Variants in TBC1D5 observed in about 807,000 individuals in gnomAD.
TBC1D5 encodes the protein TBC1 domain family member 5.
In TBC1D5, 75 loss-of-function variants were observed where a neutral mutation model predicts 100.3. That is an observed-to-expected ratio of 0.75 (90% CI 0.62 to 0.91). The LOEUF (loss-of-function observed/expected upper bound fraction) is 0.91, where lower values mean the gene tolerates loss of function less well. Ranked by LOEUF, TBC1D5 falls within the 40% of genes least tolerant of loss-of-function variation. TBC1D5 has a pLI of 0.00. For missense variants in TBC1D5, 910 were observed against 942.4 expected, an observed-to-expected ratio of 0.97 and a Z score of 0.45; for synonymous variants, 323 against 325.6, an observed-to-expected ratio of 0.99 and a Z score of 0.09.
intron 15 of TBC1D5, among the ~76,000 whole-genome samples, chr3:17,286,730 T>A (rs538139792): frequency 4.6e-5 from 7 of 152,318 alleles, no homozygotes; most frequent in Non-Finnish European, 5.9e-5. Context: ...AGAATTTCTA[T>A]GAGAAATATG....
chr3:17,696,004 G>A (rs1036489907), intron 1 of TBC1D5, among the ~76,000 whole-genome samples: 4 of 152,112 alleles, frequency 2.6e-5, no homozygotes, highest in Non-Finnish European at 5.9e-5. Context: ...TGACTACTGG[G>A]TAAATATCGA....
chr3:17,594,143 G>A (rs1214907719), intron 2 of TBC1D5, among the ~76,000 whole-genome samples: 1 of 152,168 alleles, frequency 6.6e-6, no homozygotes, highest in East Asian at 1.9e-4. Flanking sequence ...GACACTTTGG[G>A]CACCTCCTAC....
intron 1 of TBC1D5, among the ~76,000 whole-genome samples, chr3:17,712,865 T>C (rs998274045): frequency 6.6e-6 from 1 of 152,212 alleles, no homozygotes; most frequent in Admixed American, 6.5e-5. Flanking sequence ...TAGTCAGTAA[T>C]TCTGAGAGCA....
chr3:17,412,176 T>C (rs1257397097), intron 4 of TBC1D5, among the ~76,000 whole-genome samples: 1 of 152,098 alleles, frequency 6.6e-6, no homozygotes, highest in Non-Finnish European at 1.5e-5. Context: ...AATGGTTTGA[T>C]ACTTCAAAAT....
At chr3:17,394,058 G>T (rs532797193) in intron 8 of TBC1D5, among the ~76,000 whole-genome samples, 1 of 152,072 alleles carries the variant, frequency 6.6e-6, no homozygotes, top group Admixed American at 6.6e-5. Context: ...AGCAAGTAGA[G>T]ATCAGGGATC....
At chr3:17,298,867 T>C (rs1559579938) in intron 14 of TBC1D5, among the ~76,000 whole-genome samples, 2 of 152,152 alleles carry the variant, frequency 1.3e-5, no homozygotes, top group Non-Finnish European at 2.9e-5. Flanking sequence ...AGACAGGGGA[T>C]GAATAGGCAG....
rs2070133675 is a variant in TBC1D5 at position 17,685,442 on chromosome 3, A to AAC, written c.-101+53899_-101+53900dup. On this transcript the variant is annotated intron_variant, in intron 1 of 21. Coordinates refer to ENST00000253692, the Ensembl canonical transcript of TBC1D5. ...AATAAATAATGAAATACATAAATAA[A>AAC]ACAGCAAATAAATAATTCTGCAAAA... 4.6e-5 allele frequency among the ~76,000 whole-genome samples: 7 copies of AAC among 152,060 alleles called. No individual in the cohort carries two copies. In the South Asian group the frequency reaches 1.4e-3, roughly 31 times the overall value.
At chr3:17,196,296 A>C (rs2070677580) in intron 18 of TBC1D5, among the ~76,000 whole-genome samples, 1 of 152,200 alleles carries the variant, frequency 6.6e-6, no homozygotes, top group South Asian at 2.1e-4. Context: ...ACAAGTGCTG[A>C]AAGCTCCTAG....
chr3:17,730,793 C>G (rs978242485), intron 1 of TBC1D5, among the ~76,000 whole-genome samples: 1 of 152,162 alleles, frequency 6.6e-6, no homozygotes, highest in Non-Finnish European at 1.5e-5. Flanking sequence ...TATTGGACAT[C>G]TATTTTTAAC....
intron 13 of TBC1D5, among the ~76,000 whole-genome samples, chr3:17,336,983 G>C (rs1169096790): frequency 2.0e-5 from 3 of 151,962 alleles, no homozygotes. Flanking sequence ...ATCCATTCTG[G>C]CTTTATTATT....
intron 19 of TBC1D5, among the ~76,000 whole-genome samples, chr3:17,180,375 T>C (rs2068301594): frequency 6.6e-6 from 1 of 152,230 alleles, no homozygotes; most frequent in African/African-American, 2.4e-5. Flanking sequence ...CATTAAATAA[T>C]TTTTAACTGA....
chr3:17,567,466 C>T (rs2096600818), intron 2 of TBC1D5, among the ~76,000 whole-genome samples: 1 of 151,720 alleles, frequency 6.6e-6, no homozygotes, highest in Non-Finnish European at 1.5e-5. Context: ...ACAAATACTC[C>T]ATGTTCCTGC....
intron 13 of TBC1D5, among the ~76,000 whole-genome samples, chr3:17,344,886 C>G (rs1320510106): frequency 6.6e-6 from 1 of 152,072 alleles, no homozygotes; most frequent in Non-Finnish European, 1.5e-5. Flanking sequence ...GAAACTGGAT[C>G]CCTTCCTTAC....
At chr3:17,268,806 T>C (rs1205680958) in intron 15 of TBC1D5, among the ~76,000 whole-genome samples, 3 of 152,122 alleles carry the variant, frequency 2.0e-5, no homozygotes. Flanking sequence ...CAAGAGACCA[T>C]TCGGGGGCTT....
rs988395216 is a variant in TBC1D5, at chr3:17,231,921, AAG to A, written c.1588+6240_1588+6241del. ...TGATTCTGAATAGGGTATCTAGTAA[AAG>A]AGCTGGTTCCCGACTATGTAGGCTT... On this transcript the variant is annotated intron_variant, in intron 17 of 21. Transcript: ENST00000253692. Among the ~76,000 whole-genome samples, 5 of 152,252 alleles carry A rather than the reference AAG, an allele frequency of 3.3e-5. No individual in the cohort carries two copies. The East Asian group carries it at 5.8e-4, about 18-fold the overall frequency.
At chr3:17,463,048 C>T (rs1446221859) in intron 3 of TBC1D5, among the ~76,000 whole-genome samples, 3 of 152,136 alleles carry the variant, frequency 2.0e-5, no homozygotes, top group Non-Finnish European at 4.4e-5. Context: ...TTCAAAGGTA[C>T]AGACATGCAC....
intron 2 of TBC1D5, among the ~76,000 whole-genome samples, chr3:17,613,853 G>A (rs1317566005): frequency 6.6e-6 from 1 of 152,126 alleles, no homozygotes; most frequent in Non-Finnish European, 1.5e-5. Context: ...TCACTCTGAT[G>A]GTAGTTTCTT....
intron 2 of TBC1D5, among the ~76,000 whole-genome samples, chr3:17,602,136 G>C (rs1377803310): frequency 6.6e-6 from 1 of 152,134 alleles, no homozygotes; most frequent in African/African-American, 2.4e-5. Flanking sequence ...CGGCCAATAA[G>C]TGGTATTAAC....
intron 15 of TBC1D5, among the ~76,000 whole-genome samples, chr3:17,259,700 T>C (rs1463219): frequency 0.083 from 9,744 of 117,946 alleles, 644 homozygotes; most frequent in East Asian, 0.26. Flanking sequence ...CTGATACACT[T>C]GCATGCAGGC....
Sources: allele counts gnomAD v4.1 joint callset (sites outside exome capture counted in the v4.1 genomes callset), GRCh38; gene constraint gnomAD v4.1.1; transcripts MANE v1.5; gene names NCBI Gene and HGNC (gene_info 2026-07-23, HGNC 2026-07-21).